DCDC1: variants seen among roughly 807,000 people sequenced by gnomAD.
The protein encoded by DCDC1 is doublecortin domain-containing protein 1.
A neutral mutation model predicts 178.3 loss-of-function variants in DCDC1; 200 were observed. That is an observed-to-expected ratio of 1.12 (90% CI 1.00 to 1.26). The LOEUF is 1.26. Ranked by LOEUF, DCDC1 falls within the 50% of genes most tolerant of loss-of-function variation. The pLI is 0.00. For missense variants in DCDC1, 1,983 were observed against 1,749.2 expected (o/e 1.13, Z -2.38); for synonymous variants, 690 against 604.8 (o/e 1.14, Z -2.07).
intron 11 of DCDC1, among the ~76,000 whole-genome samples, chr11:31,118,742 TG>T (rs1169905026): frequency 1.2e-4 from 19 of 152,354 alleles, no homozygotes; most frequent in Admixed American, 9.8e-4. Flanking sequence ...AGCTCTGGCC[TG>T]TGGACTTTCC....
intron 9 of DCDC1, among the ~76,000 whole-genome samples, chr11:31,144,443 T>C (rs1031595114): frequency 2.6e-5 from 4 of 152,284 alleles, no homozygotes; most frequent in African/African-American, 9.6e-5. Flanking sequence ...GGCCAAAGAC[T>C]GTGCAAATGT....
At chr11:31,163,441 A>G (rs983147807) in intron 9 of DCDC1, among the ~76,000 whole-genome samples, 3 of 152,086 alleles carry the variant, frequency 2.0e-5, no homozygotes, top group African/African-American at 4.8e-5. Flanking sequence ...TTTTATTCCC[A>G]TTCATTTGTT....
chr11:31,183,843 T>C (rs956252184), intron 9 of DCDC1, among the ~76,000 whole-genome samples: 2 of 152,114 alleles, frequency 1.3e-5, no homozygotes, highest in Non-Finnish European at 2.9e-5. Flanking sequence ...ATCAATATCG[T>C]GAAAATGGCC....
At chr11:31,181,082 G>A (rs966867675) in intron 9 of DCDC1, among the ~76,000 whole-genome samples, 3 of 152,124 alleles carry the variant, frequency 2.0e-5, no homozygotes, top group Non-Finnish European at 4.4e-5. Context: ...CCCTCACATT[G>A]TAAACAAAGC....
intron 20 of DCDC1, among the ~76,000 whole-genome samples, chr11:31,029,827 G>A (rs1280470751): frequency 6.6e-6 from 1 of 151,976 alleles, no homozygotes; most frequent in Non-Finnish European, 1.5e-5. Flanking sequence ...ATACATTATT[G>A]ATACAGATAT....
chr11:30,933,459 CATTA>C (rs1286295768), intron 21 of DCDC1, among the ~76,000 whole-genome samples: 1 of 151,980 alleles, frequency 6.6e-6, no homozygotes, highest in African/African-American at 2.4e-5. Flanking sequence ...GTGTTAATTA[CATTA>C]ATTTTTAAAA....
intron 9 of DCDC1, among the ~76,000 whole-genome samples, chr11:31,200,492 G>GA (rs935684888): frequency 6.6e-6 from 1 of 151,932 alleles, no homozygotes; most frequent in Non-Finnish European, 1.5e-5. Context: ...TTTGAGTAAG[G>GA]AAAAAATTCT....
At chr11:31,233,550 T>C (rs963484640) in intron 9 of DCDC1, among the ~76,000 whole-genome samples, 4 of 152,174 alleles carry the variant, frequency 2.6e-5, no homozygotes, top group African/African-American at 7.2e-5. Flanking sequence ...ACTGGTAGAA[T>C]TGTAGTCCCC....
chr11:31,311,670 T>C (rs1948779356), intron 3 of DCDC1, among the ~76,000 whole-genome samples: 1 of 152,084 alleles, frequency 6.6e-6, no homozygotes, highest in Non-Finnish European at 1.5e-5. Flanking sequence ...AAAGGAAGGA[T>C]TGTGCTCCTC....
intron 20 of DCDC1, chr11:30,992,650 A>AT (rs1951054034): frequency 2.0e-5 from 3 of 152,202 alleles, no homozygotes; most frequent in African/African-American, 7.2e-5. Flanking sequence ...GTAAAGATAC[A>AT]TGGAGAGGCC....
intron 9 of DCDC1, among the ~76,000 whole-genome samples, chr11:31,199,694 T>A (rs1453471247): frequency 2.0e-5 from 3 of 152,086 alleles, no homozygotes; most frequent in Admixed American, 6.6e-5. Context: ...TGGCAGGATA[T>A]CATTTAAAAA....
At chr11:31,314,335 T>A (rs1948938171) in intron 3 of DCDC1, 1 of 152,250 alleles carries the variant, frequency 6.6e-6, no homozygotes, top group Admixed American at 6.5e-5. Context: ...TCTATTTATA[T>A]ATCTAACCTA....
intron 3 of DCDC1, among the ~76,000 whole-genome samples, chr11:31,326,732 A>G (rs1949669322): frequency 6.6e-6 from 1 of 152,220 alleles, no homozygotes; most frequent in Non-Finnish European, 1.5e-5. Flanking sequence ...ACCTAGTGAC[A>G]CACAAACAAA....
intron 18 of DCDC1, among the ~76,000 whole-genome samples, chr11:31,066,238 C>T (rs932651787): frequency 2.6e-5 from 4 of 152,172 alleles, no homozygotes; most frequent in Non-Finnish European, 4.4e-5. Context: ...CACTTGGAGG[C>T]TACCCTTACA....
chr11:30,981,850 C>T (rs1274768919), intron 20 of DCDC1, among the ~76,000 whole-genome samples: 5 of 152,132 alleles, frequency 3.3e-5, no homozygotes, highest in East Asian at 1.9e-4. Flanking sequence ...GGATACCACA[C>T]GCTGGGAACA....
intron 27 of DCDC1, among the ~76,000 whole-genome samples, chr11:30,912,704 C>A (rs956152158): frequency 1.3e-5 from 2 of 152,088 alleles, no homozygotes; most frequent in African/African-American, 4.8e-5. Flanking sequence ...GGAACCATAC[C>A]TTTTTTAATG....
intron 20 of DCDC1, among the ~76,000 whole-genome samples, chr11:30,964,225 G>T (rs1018230982): frequency 6.6e-6 from 1 of 152,120 alleles, no homozygotes; most frequent in African/African-American, 2.4e-5. Flanking sequence ...GTGATTAATG[G>T]ATAGAGAAGA....
At chr11:31,229,626 A>T (rs1975499987) in intron 9 of DCDC1, among the ~76,000 whole-genome samples, 1 of 152,146 alleles carries the variant, frequency 6.6e-6, no homozygotes, top group African/African-American at 2.4e-5. Context: ...CAGGAAACAA[A>T]AAGGTAGCAA....
chr11:30,956,408 T>C (rs1948776546), intron 20 of DCDC1, among the ~76,000 whole-genome samples: 1 of 152,220 alleles, frequency 6.6e-6, no homozygotes, highest in Non-Finnish European at 1.5e-5. Context: ...AGGGAAACTC[T>C]GATTTTTTTT....
Sources: gnomAD v4.1 joint callset for allele counts (sites outside exome capture counted in the v4.1 genomes callset) on GRCh38, gnomAD v4.1.1 for gene constraint, MANE v1.5 for transcripts, NCBI Gene and HGNC (gene_info 2026-07-23, HGNC 2026-07-21) for gene names.